The following TAF13 variants were observed in gnomAD, a reference collection of about 807,000 sequenced individuals.
TAF13 encodes transcription initiation factor TFIID subunit 13.
TAF13 carries 9 observed loss-of-function variants against 18.7 expected under a neutral mutation model. That is an observed-to-expected ratio of 0.48 (90% CI 0.29 to 0.84). TAF13 has a LOEUF of 0.84. Ranked by LOEUF, TAF13 falls within the 40% of genes least tolerant of loss-of-function variation. The pLI, the probability that TAF13 is intolerant of heterozygous loss-of-function variation, is 0.08. For synonymous variants in TAF13, 49 were observed against 44.1 expected, an observed-to-expected ratio of 1.11 and a Z score of -0.44; for missense variants, 105 against 146.5, an observed-to-expected ratio of 0.72 and a Z score of 1.46.
intron 2 of TAF13, among the ~76,000 whole-genome samples, chr1:109,066,706 T>G (rs113869540): frequency 1.3e-3 from 193 of 151,960 alleles, no homozygotes; most frequent in African/African-American, 4.3e-3. Context: ...CAAATACTTT[T>G]TTTGTTTGTT....
At chr1:109,070,144 T>C (rs1664023423) in intron 2 of TAF13, among the ~76,000 whole-genome samples, 1 of 152,220 alleles carries the variant, frequency 6.6e-6, no homozygotes, top group Non-Finnish European at 1.5e-5. Flanking sequence ...TACTATTTAG[T>C]TGTCATGCCT....
chr1:109,064,790 C>A (rs1380110601), intron 3 of TAF13, 97 bp from the exon 4 acceptor site: 2 of 1,010,890 alleles, frequency 2.0e-6, no homozygotes, highest in East Asian at 3.1e-5. Context: ...AGAAGATTTT[C>A]TCTTATTATT....
intron 2 of TAF13, among the ~76,000 whole-genome samples, chr1:109,072,659 G>A (rs1001267772): frequency 1.3e-5 from 2 of 151,848 alleles, no homozygotes; most frequent in Non-Finnish European, 2.9e-5. Context: ...TGCCCAGGCT[G>A]GTCTTGACCT....
intron 2 of TAF13, among the ~76,000 whole-genome samples, chr1:109,074,267 T>A (rs909210351): frequency 6.6e-6 from 1 of 152,230 alleles, no homozygotes; most frequent in Non-Finnish European, 1.5e-5. Context: ...TATTAATCTA[T>A]AACCTTACCC....
chr1:109,075,791 G>A, intron 1 of TAF13, 130 bp downstream of exon 1: 1 of 1,170,270 alleles, frequency 8.5e-7, no homozygotes, highest in East Asian at 2.4e-5. Context: ...TCAATCCTTA[G>A]GGCGTGAAGT....
intron 2 of TAF13, among the ~76,000 whole-genome samples, chr1:109,072,635 G>C (rs184370157): frequency 6.6e-6 from 1 of 151,826 alleles, no homozygotes; most frequent in Non-Finnish European, 1.5e-5. Flanking sequence ...TGTAGAGAGA[G>C]GGTTTCACTA....
intron 2 of TAF13, among the ~76,000 whole-genome samples, chr1:109,069,526 G>T (rs578252021): frequency 6.6e-6 from 1 of 152,026 alleles, no homozygotes; most frequent in Non-Finnish European, 1.5e-5. Flanking sequence ...TCTGAGGTTG[G>T]TTGAATCCAT....
At chr1:109,073,717 A>G (rs1172335829) in intron 2 of TAF13, among the ~76,000 whole-genome samples, 1 of 151,860 alleles carries the variant, frequency 6.6e-6, no homozygotes, top group African/African-American at 2.4e-5. Context: ...GCTCGCTACA[A>G]CCTCCACCTC....
At chr1:109,071,592 A>G (rs1664053323) in intron 2 of TAF13, among the ~76,000 whole-genome samples, 1 of 151,954 alleles carries the variant, frequency 6.6e-6, no homozygotes, top group Non-Finnish European at 1.5e-5. Context: ...CCCCAGTGAC[A>G]GAAGAGTGAG....
At chr1:109,073,625 C>G (rs546752287) in intron 2 of TAF13, among the ~76,000 whole-genome samples, 1 of 152,320 alleles carries the variant, frequency 6.6e-6, no homozygotes, top group East Asian at 1.9e-4. Flanking sequence ...CCTCGGCCTC[C>G]CGAGGTGCCG....
At chr1:109,073,406 C>T (rs1166830936) in intron 2 of TAF13, among the ~76,000 whole-genome samples, 1 of 152,108 alleles carries the variant, frequency 6.6e-6, no homozygotes, top group Non-Finnish European at 1.5e-5. Context: ...CCCTCCCCCT[C>T]CCCCTCGTCT....
Position 109,071,099 on chromosome 1 carries a change from C to T in TAF13, c.106+3888G>A, listed in dbSNP as rs150539272. Among the ~76,000 whole-genome samples, 3 of 151,554 alleles carry T rather than the reference C, an allele frequency of 2.0e-5. No homozygotes were observed. The East Asian group carries it at 5.9e-4, about 30-fold the overall frequency. ...ATCACTTAAGCCTAGGAGTTTGAGA[C>T]CAGTCTGGCCAACATGGTGAAACTT... On this transcript the variant is annotated intron_variant, in intron 2 of 3. Coordinates refer to ENST00000338366, the MANE Select transcript of TAF13 (RefSeq NM_005645.4).
intron 2 of TAF13, among the ~76,000 whole-genome samples, chr1:109,068,612 T>G (rs1249447537): frequency 6.6e-6 from 1 of 151,984 alleles, no homozygotes; most frequent in South Asian, 2.1e-4. Flanking sequence ...CCTCCCAAAG[T>G]GCTAGGATTA....
Position 109,075,085 on chromosome 1 carries a change from T to C in TAF13, c.28-20A>G, listed in dbSNP as rs757062027. On this transcript the variant is annotated intron_variant, in intron 1 of 3. Transcript: ENST00000338366. ...CTCAAACTAGAAGTTAAAATGTATA[T>C]ATAGAAATGTCAAATAATTGCCTTG... 6.1e-5 allele frequency: 95 copies of C among 1,559,442 alleles called. No individual in the cohort carries two copies. The South Asian group carries it at 1.1e-3, about 18-fold the overall frequency.
chr1:109,075,229 A>G (rs962835214), intron 1 of TAF13, among the ~76,000 whole-genome samples, 164 bp from the exon 2 acceptor site: 29 of 151,886 alleles, frequency 1.9e-4, no homozygotes, highest in African/African-American at 6.0e-4. Context: ...CTATGTATCT[A>G]GTCCAACTTC....
intron 2 of TAF13, among the ~76,000 whole-genome samples, chr1:109,069,818 T>C (rs866401124): frequency 1.3e-5 from 2 of 152,136 alleles, no homozygotes; most frequent in Non-Finnish European, 2.9e-5. Context: ...CCTAGGGTTT[T>C]ACACTGGCAA....
intron 3 of TAF13, 55 bp downstream of exon 3, chr1:109,066,080 T>C (rs1180929632): frequency 6.1e-6 from 9 of 1,468,902 alleles, no homozygotes; most frequent in Non-Finnish European, 8.5e-6. Flanking sequence ...ACCTAAAGTT[T>C]AATATTTCAA....
chr1:109,067,161 C>A (rs1333027702), intron 2 of TAF13, among the ~76,000 whole-genome samples: 1 of 152,178 alleles, frequency 6.6e-6, no homozygotes, highest in East Asian at 1.9e-4. Flanking sequence ...ATAGGAAATG[C>A]AAAGGATAAG....
chr1:109,074,384 C>T (rs1462179047), intron 2 of TAF13, among the ~76,000 whole-genome samples: 2 of 151,958 alleles, frequency 1.3e-5, no homozygotes, highest in Non-Finnish European at 2.9e-5. Flanking sequence ...GCAGCATGCT[C>T]GTTAAGAGTC....
Sources: allele counts gnomAD v4.1 joint callset (sites outside exome capture counted in the v4.1 genomes callset), GRCh38; gene constraint gnomAD v4.1.1; transcripts MANE v1.5; gene names NCBI Gene and HGNC (gene_info 2026-07-23, HGNC 2026-07-21).